Variants in SH3PXD2A observed in about 807,000 individuals in gnomAD.
The protein encoded by SH3PXD2A is SH3 and PX domains 2A.
SH3PXD2A carries 32 observed loss-of-function variants against 115.2 expected under a neutral mutation model. That is an observed-to-expected ratio of 0.28 (90% CI 0.21 to 0.37). SH3PXD2A has a LOEUF of 0.37. Ranked by LOEUF, SH3PXD2A falls within the 10% of genes least tolerant of loss-of-function variation. The pLI, the probability that SH3PXD2A is intolerant of heterozygous loss-of-function variation, is 1.00. For missense variants in SH3PXD2A, 1,328 were observed against 1,498.7 expected (o/e 0.89, Z 1.88); for synonymous variants, 610 against 629.1 (o/e 0.97, Z 0.45).
At chr10:103,723,595 T>G (rs887729594) in intron 5 of SH3PXD2A, among the ~76,000 whole-genome samples, 1 of 152,148 alleles carries the variant, frequency 6.6e-6, no homozygotes, top group Non-Finnish European at 1.5e-5. Flanking sequence ...CATGGAAACA[T>G]TAGCCAGCAC....
chr10:103,721,530 T>C (rs1194394837), intron 5 of SH3PXD2A, among the ~76,000 whole-genome samples: 3 of 152,210 alleles, frequency 2.0e-5, no homozygotes, highest in African/African-American at 7.2e-5. Context: ...TTTGGAGGCA[T>C]GGATCACAGG....
At chr10:103,711,355 T>G (rs1188026522) in intron 5 of SH3PXD2A, among the ~76,000 whole-genome samples, 2 of 152,172 alleles carry the variant, frequency 1.3e-5, no homozygotes, top group Non-Finnish European at 1.5e-5. Context: ...TGGGGGGAAG[T>G]AAGCATTGCA....
Position 103,602,831 on chromosome 10 carries a change from T to C in SH3PXD2A, c.2387A>G (p.Lys796Arg). 1 of 1,614,206 alleles carries C rather than the reference T, an allele frequency of 6.2e-7. No homozygotes were observed. Among genetic ancestry groups the C allele is most frequent in the South Asian group, 1.1e-5 (1 of 91,080 alleles). The change falls in exon 15 of 15, where the codon AAG becomes AGG. Residue 796 changes from lysine to arginine, a missense_variant. Around this residue, in one of 5 missense-constraint regions of SH3PXD2A, gnomAD observed 574 missense variants for 565.7 expected, o/e 1.01. Coordinates refer to ENST00000369774, the MANE Select transcript of SH3PXD2A (RefSeq NM_001394015.1). ...CGGGGGCAGCTCCGAATCCTCACTC[T>C]TGGAGCCCTTGAGCCCTCCACGGAG... The part of the protein sequence containing the change: ...GQLRGGLKGS[K>R]SEDSELPPQT...
chr10:103,791,722 GC>G lies in SH3PXD2A; in HGVS notation c.153+9559del, dbSNP rs377088952. Among the ~76,000 whole-genome samples, 54 of 151,986 alleles carry G rather than the reference GC, an allele frequency of 3.6e-4. 1 individual carries two copies. The highest frequency in any genetic ancestry group is 3.4e-3 in the Middle Eastern group (1 of 294). The stretch of plus-strand genomic sequence containing the variant: ...TCCCGAGTTGCTCTGGACCTGAGAG[GC>G]CCCCACAAGCACAGGGGTCTTCCTA... On this transcript the variant is annotated intron_variant, in intron 2 of 14. Transcript: ENST00000369774.
At chr10:103,855,120 A>G in intron 1 of SH3PXD2A, 75 bp downstream of exon 1, 2 of 1,050,178 alleles carry the variant, frequency 1.9e-6, no homozygotes, top group Non-Finnish European at 1.4e-6. Flanking sequence ...CACAGCTGGG[A>G]GGGGCAAGGG....
At chr10:103,780,815 C>T (rs553806280) in intron 2 of SH3PXD2A, among the ~76,000 whole-genome samples, 16 of 152,196 alleles carry the variant, frequency 1.1e-4, no homozygotes, top group Non-Finnish European at 2.2e-4. Context: ...AAGTTTGAAC[C>T]AGTCTCTAAT....
intron 2 of SH3PXD2A, among the ~76,000 whole-genome samples, chr10:103,794,310 G>T (rs1348083161): frequency 6.6e-6 from 1 of 152,204 alleles, no homozygotes; most frequent in African/African-American, 2.4e-5. Flanking sequence ...TCCAAGCGGT[G>T]CAGGGGAAAA....
At chr10:103,814,213 T>G (rs749261192) in intron 1 of SH3PXD2A, among the ~76,000 whole-genome samples, 1 of 152,148 alleles carries the variant, frequency 6.6e-6, no homozygotes, top group Non-Finnish European at 1.5e-5. Flanking sequence ...GTTCCTTCGT[T>G]CTGAGCTGTG....
intron 1 of SH3PXD2A, among the ~76,000 whole-genome samples, chr10:103,821,597 G>T (rs538526848): frequency 1.8e-4 from 27 of 152,276 alleles, no homozygotes; most frequent in Admixed American, 1.3e-3. Context: ...CTGTCACCCA[G>T]GCTGGAGTGC....
chr10:103,724,684 CT>C (rs1376045625), intron 4 of SH3PXD2A, among the ~76,000 whole-genome samples: 9 of 152,188 alleles, frequency 5.9e-5, no homozygotes, highest in African/African-American at 2.2e-4. Context: ...AAGAAAACCC[CT>C]AACCAGTTAT....
intron 1 of SH3PXD2A, among the ~76,000 whole-genome samples, chr10:103,824,523 C>T (rs777636321): frequency 1.3e-5 from 2 of 152,132 alleles, no homozygotes; most frequent in Admixed American, 6.5e-5. Context: ...TAATGCCCGC[C>T]CATACCCACT....
chr10:103,653,992 C>T (rs1222727137), intron 8 of SH3PXD2A, among the ~76,000 whole-genome samples: 1 of 151,842 alleles, frequency 6.6e-6, no homozygotes, highest in African/African-American at 2.4e-5. Flanking sequence ...AGTCGCAGCC[C>T]CACCACGCCC....
chr10:103,639,646 G>C (rs113757477), intron 8 of SH3PXD2A, among the ~76,000 whole-genome samples: 1 of 137,602 alleles, frequency 7.3e-6, no homozygotes, highest in Non-Finnish European at 1.6e-5. Flanking sequence ...AAAAAAAAAA[G>C]AAAAAAAGAA....
Position 103,805,050 on chromosome 10 carries a change from C to T in SH3PXD2A, c.73-3688G>A, listed in dbSNP as rs1415227605. On this transcript the variant is annotated intron_variant, in intron 1 of 14. Transcript: ENST00000369774. ...CCGCCCCTGGAGAGAGGGCTGCATT[C>T]GCCTGCAGGACATTAGACATCAGCC... Among the ~76,000 whole-genome samples, 4 of 152,196 alleles carry T rather than the reference C, an allele frequency of 2.6e-5. No homozygotes were observed. In the East Asian group the frequency reaches 7.7e-4, roughly 29 times the overall value.
chr10:103,677,219 G>A (rs935092246), intron 6 of SH3PXD2A, among the ~76,000 whole-genome samples: 2 of 152,152 alleles, frequency 1.3e-5, no homozygotes, highest in African/African-American at 2.4e-5. Flanking sequence ...CAACTATTTC[G>A]GGAGCATCAA....
chr10:103,630,113 C>G (rs1183459035), intron 8 of SH3PXD2A, among the ~76,000 whole-genome samples: 1 of 152,250 alleles, frequency 6.6e-6, no homozygotes, highest in Non-Finnish European at 1.5e-5. Flanking sequence ...AGAGGGCTGC[C>G]TGGAGCAGCA....
chr10:103,855,119 G>C, intron 1 of SH3PXD2A, 76 bp downstream of exon 1: 1 of 1,048,602 alleles, frequency 9.5e-7, no homozygotes, highest in Non-Finnish European at 1.4e-6. Context: ...TCACAGCTGG[G>C]AGGGGCAAGG....
At chr10:103,613,698 C>T (rs1244341881) in intron 11 of SH3PXD2A, among the ~76,000 whole-genome samples, 1 of 152,226 alleles carries the variant, frequency 6.6e-6, no homozygotes, top group Non-Finnish European at 1.5e-5. Context: ...GCACAAGTCC[C>T]TTCCCTGGAG....
rs145484348 is a variant in SH3PXD2A, at chr10:103,689,720, G to A, written c.427+3308C>T. 1.6e-3 allele frequency among the ~76,000 whole-genome samples: 245 copies of A among 152,206 alleles called. 1 individual carries two copies. Among genetic ancestry groups the A allele is most frequent in the African/African-American group, 5.7e-3 (235 of 41,492 alleles). Reference sequence around the variant, plus strand: ...CTAGATGTTGGGCTTGAGCAATGGGGTGGATGGTGCCAGTTCCTGAGATGG... The same window carrying A: ...CTAGATGTTGGGCTTGAGCAATGGGATGGATGGTGCCAGTTCCTGAGATGG... On this transcript the variant is annotated intron_variant, in intron 6 of 14. Coordinates refer to ENST00000369774, the MANE Select transcript of SH3PXD2A (RefSeq NM_001394015.1).
Sources: allele counts gnomAD v4.1 joint callset (sites outside exome capture counted in the v4.1 genomes callset), GRCh38; gene constraint gnomAD v4.1.1; regional missense constraint gnomAD v4.1.1; transcripts MANE v1.5; gene names NCBI Gene and HGNC (gene_info 2026-07-23, HGNC 2026-07-21).